GRB10: variants seen among roughly 807,000 people sequenced by gnomAD.
GRB10 encodes growth factor receptor bound protein 10.
In GRB10, 20 loss-of-function variants were observed where a neutral mutation model predicts 80.9. That is an observed-to-expected ratio of 0.25 (90% CI 0.17 to 0.36). The LOEUF is 0.36. Ranked by LOEUF, GRB10 falls within the 10% of genes least tolerant of loss-of-function variation. GRB10 has a pLI of 1.00. For synonymous variants in GRB10, 291 were observed against 291.5 expected, an observed-to-expected ratio of 1.00 and a Z score of 0.02; for missense variants, 548 against 747.7, an observed-to-expected ratio of 0.73 and a Z score of 3.12.
intron 7 of GRB10, among the ~76,000 whole-genome samples, chr7:50,633,036 T>C (rs1185473190): frequency 6.6e-6 from 1 of 152,056 alleles, no homozygotes; most frequent in Non-Finnish European, 1.5e-5. Context: ...TTTCCCCACA[T>C]CAACAAAGGC....
At chr7:50,734,555 G>A (rs6946052) in intron 3 of GRB10, among the ~76,000 whole-genome samples, 6,690 of 152,194 alleles carry the variant, frequency 0.044, 498 homozygotes, top group African/African-American at 0.15. Context: ...TATGCCTTCT[G>A]GAATTCCTGG....
exon 1 of GRB10, chr7:50,793,436 C>A: frequency 6.7e-6 from 1 of 148,556 alleles, no homozygotes; most frequent in South Asian, 1.8e-4. Flanking sequence ...CAGCTCGCTT[C>A]CCTCTCTGCC....
intron 5 of GRB10, among the ~76,000 whole-genome samples, chr7:50,701,075 T>C (rs1364832302): frequency 2.0e-5 from 3 of 152,216 alleles, no homozygotes; most frequent in African/African-American, 7.2e-5. Context: ...GTTTTCTACT[T>C]GATGTTGTTT....
chr7:50,787,578 G>A (rs1562722751), upstream of GRB10, among the ~76,000 whole-genome samples: 1 of 152,222 alleles, frequency 6.6e-6, no homozygotes, highest in Non-Finnish European at 1.5e-5. Context: ...GGGACGGTGG[G>A]TCAGGACAGG....
rs2075346021 is a variant in GRB10, at chr7:50,758,324, C to T, written c.-216-2268G>A. ...CTAAAGGGCTCACTCAGCTATTTCC[C>T]TATCAGTCAGGAGAGATTTCTTAGG... is the stretch of plus-strand genomic sequence containing the variant. On this transcript the variant is annotated intron_variant, in intron 2 of 18. Coordinates refer to ENST00000401949, the MANE Select transcript of GRB10 (RefSeq NM_001350814.2). Among the ~76,000 whole-genome samples, 3 of 152,156 alleles carry T rather than the reference C, an allele frequency of 2.0e-5. No homozygotes were observed. The South Asian group carries it at 6.2e-4, about 32-fold the overall frequency.
intron 5 of GRB10, among the ~76,000 whole-genome samples, chr7:50,700,215 G>T (rs185810714): frequency 6.6e-6 from 1 of 152,094 alleles, no homozygotes; most frequent in Non-Finnish European, 1.5e-5. Flanking sequence ...ATTTTTGAAG[G>T]TATAGTATTG....
intron 5 of GRB10, among the ~76,000 whole-genome samples, chr7:50,678,063 G>T (rs975615788): frequency 2.0e-5 from 3 of 152,174 alleles, no homozygotes; most frequent in Admixed American, 1.3e-4. Context: ...ATTCCTAACA[G>T]CCCCTTGGCT....
intron 6 of GRB10, among the ~76,000 whole-genome samples, chr7:50,672,200 G>A (rs879643428): frequency 4.6e-5 from 7 of 152,148 alleles, no homozygotes; most frequent in Non-Finnish European, 8.8e-5. Flanking sequence ...GGCAGCCCCC[G>A]GTAAGTTCCT....
At chr7:50,680,068 C>T (rs2061383226) in intron 5 of GRB10, among the ~76,000 whole-genome samples, 1 of 152,168 alleles carries the variant, frequency 6.6e-6, no homozygotes, top group African/African-American at 2.4e-5. Flanking sequence ...GAGTATTCTT[C>T]TCTATCATAT....
chr7:50,772,791 A>C (rs2077111653), intron 2 of GRB10, among the ~76,000 whole-genome samples: 1 of 152,272 alleles, frequency 6.6e-6, no homozygotes, highest in Non-Finnish European at 1.5e-5. Context: ...TGTGCGTCAT[A>C]GGACACTACG....
chr7:50,645,192 T>A (rs549912195), intron 7 of GRB10, among the ~76,000 whole-genome samples: 1 of 152,250 alleles, frequency 6.6e-6, no homozygotes, highest in Non-Finnish European at 1.5e-5. Context: ...TAATAATCTT[T>A]ATACTGCCCA....
intron 7 of GRB10, among the ~76,000 whole-genome samples, chr7:50,638,384 C>G (rs1024059572): frequency 8.6e-5 from 13 of 152,000 alleles, no homozygotes; most frequent in African/African-American, 2.9e-4. Flanking sequence ...CGAACTCAAA[C>G]AACTCAGCCA....
chr7:50,668,299 T>C (rs989750662), intron 7 of GRB10, among the ~76,000 whole-genome samples: 2 of 152,182 alleles, frequency 1.3e-5, no homozygotes, highest in Non-Finnish European at 2.9e-5. Context: ...CCTGTCTTGC[T>C]TGAGAACAGC....
At chr7:50,740,823 C>A (rs556928324) in intron 3 of GRB10, among the ~76,000 whole-genome samples, 103 of 145,004 alleles carry the variant, frequency 7.1e-4, no homozygotes, top group African/African-American at 2.6e-3. Flanking sequence ...CAAAACCATT[C>A]TAATGAAAAA....
intron 5 of GRB10, among the ~76,000 whole-genome samples, chr7:50,686,557 C>A (rs188469356): frequency 1.5e-3 from 227 of 152,244 alleles, no homozygotes; most frequent in African/African-American, 5.2e-3. Context: ...GGAACAAGCA[C>A]AGGGAGAGAG....
chr7:50,653,472 G>T (rs987601500), intron 7 of GRB10, among the ~76,000 whole-genome samples: 4 of 152,234 alleles, frequency 2.6e-5, no homozygotes, highest in African/African-American at 9.6e-5. Context: ...CTCAGGAAGA[G>T]ATTTCAGGTC....
intron 5 of GRB10, among the ~76,000 whole-genome samples, chr7:50,681,289 C>T (rs936751799): frequency 1.3e-5 from 2 of 152,196 alleles, no homozygotes; most frequent in African/African-American, 4.8e-5. Context: ...AAGCCTCCGG[C>T]TCTACCCCAA....
At chr7:50,626,795 G>A in intron 8 of GRB10, 27 bp downstream of exon 8, 1 of 1,613,788 alleles carries the variant, frequency 6.2e-7, no homozygotes. Flanking sequence ...ATCCCCAGGT[G>A]CCAATCCTGT....
intron 6 of GRB10, 35 bp downstream of exon 6, chr7:50,674,401 T>C: frequency 1.9e-6 from 3 of 1,587,916 alleles, no homozygotes; most frequent in Non-Finnish European, 2.6e-6. Flanking sequence ...GCTCTCATCC[T>C]TGGAGAAGGC....
Sources: gnomAD v4.1 joint callset for allele counts (sites outside exome capture counted in the v4.1 genomes callset) on GRCh38, gnomAD v4.1.1 for gene constraint, MANE v1.5 for transcripts, NCBI Gene and HGNC (gene_info 2026-07-23, HGNC 2026-07-21) for gene names.